The following MCC variants were observed in gnomAD, a reference collection of about 807,000 sequenced individuals.
The protein encoded by MCC is colorectal mutant cancer protein.
Under a neutral mutation model 116.2 loss-of-function variants are expected in MCC, and 90 were observed. That is an observed-to-expected ratio of 0.77 (90% CI 0.65 to 0.92). MCC has a LOEUF of 0.92. Among genes scored for constraint, MCC ranks in the 40% least tolerant of loss-of-function variants. The pLI is 0.00. For synonymous variants in MCC, 578 were observed against 510.5 expected (o/e 1.13, Z -1.78); for missense variants, 1,516 against 1,312.2 (o/e 1.16, Z -2.40).
intron 3 of MCC, among the ~76,000 whole-genome samples, chr5:113,228,086 T>G (rs1195629218): frequency 6.6e-6 from 1 of 152,232 alleles, no homozygotes; most frequent in Non-Finnish European, 1.5e-5. Context: ...AGAATTTGCC[T>G]ACTTAAGTAG....
At chr5:113,150,786 G>A (rs184691020) in intron 4 of MCC, among the ~76,000 whole-genome samples, 9 of 152,250 alleles carry the variant, frequency 5.9e-5, no homozygotes, top group Middle Eastern at 3.4e-3. Context: ...AAAAGGCCAG[G>A]CACAAGGGCT....
rs779215465 is a variant in MCC at position 113,068,092 on chromosome 5, C to T, written c.2017G>A (p.Gly673Arg). The stretch of plus-strand genomic sequence containing the variant: ...TGGAGACACTTACCAGGGGAGGACC[C>T]CACGCCCGCCGCTCGGAACTGCCCC... The part of the protein sequence containing the change: ...ILGQFRAAGV[G>R]SSPGDQSGDE... Residue 673 changes from glycine (G) to arginine (R), a missense_variant, in exon 13 of 19, where the codon GGG becomes AGG. Transcript: ENST00000408903. 9.9e-6 allele frequency: 16 copies of T among 1,613,956 alleles called. No individual in the cohort carries two copies. The highest frequency in any genetic ancestry group is 1.4e-5 in the Non-Finnish European group (16 of 1,179,980).
At chr5:113,105,605 G>C (rs1756683144) in intron 6 of MCC, among the ~76,000 whole-genome samples, 1 of 152,036 alleles carries the variant, frequency 6.6e-6, no homozygotes, top group Non-Finnish European at 1.5e-5. Context: ...CTATGCCTTT[G>C]TCTGACATAC....
At chr5:113,365,148 C>A (rs1768655586) in intron 2 of MCC, among the ~76,000 whole-genome samples, 1 of 152,170 alleles carries the variant, frequency 6.6e-6, no homozygotes, top group South Asian at 2.1e-4. Context: ...AACTTTTACA[C>A]CCTCCTTCCT....
chr5:113,412,540 A>G (rs1770020285), intron 1 of MCC, among the ~76,000 whole-genome samples: 1 of 152,124 alleles, frequency 6.6e-6, no homozygotes, highest in Non-Finnish European at 1.5e-5. Context: ...GCAATTGTGA[A>G]TGGGAGTTCA....
intron 17 of MCC, among the ~76,000 whole-genome samples, chr5:113,030,242 G>A (rs894253581): frequency 2.6e-5 from 4 of 152,152 alleles, no homozygotes; most frequent in Non-Finnish European, 4.4e-5. Flanking sequence ...CAGGAGCACA[G>A]GTTCCTAAAG....
chr5:113,209,496 T>C (rs1358098314), intron 3 of MCC, among the ~76,000 whole-genome samples: 5 of 152,230 alleles, frequency 3.3e-5, no homozygotes, highest in African/African-American at 1.2e-4. Flanking sequence ...CACTTTATTT[T>C]TGACCTATCC....
chr5:113,448,304 T>C (rs542760471), intron 1 of MCC: 12 of 152,188 alleles, frequency 7.9e-5, no homozygotes, highest in Admixed American at 4.6e-4. Flanking sequence ...AGGAAGAACA[T>C]ATGTGGAAGA....
chr5:113,099,955 T>C (rs1432188541), intron 8 of MCC, among the ~76,000 whole-genome samples: 1 of 152,172 alleles, frequency 6.6e-6, no homozygotes. Context: ...GTGATAATCA[T>C]CGGGGAGTGT....
At chr5:113,366,375 G>A (rs540661923) in intron 2 of MCC, among the ~76,000 whole-genome samples, 14 of 151,750 alleles carry the variant, frequency 9.2e-5, no homozygotes, top group African/African-American at 3.4e-4. Flanking sequence ...TATATACTAA[G>A]TAATTGTAGA....
intron 3 of MCC, among the ~76,000 whole-genome samples, chr5:113,256,152 C>T (rs923625597): frequency 6.6e-6 from 1 of 151,878 alleles, no homozygotes; most frequent in Non-Finnish European, 1.5e-5. Flanking sequence ...GAAACCAGCA[C>T]ATAGTTTAGC....
intron 1 of MCC, among the ~76,000 whole-genome samples, chr5:113,468,614 G>A (rs1315508190): frequency 6.6e-6 from 1 of 152,170 alleles, no homozygotes; most frequent in Non-Finnish European, 1.5e-5. Flanking sequence ...TTGCATCGAT[G>A]TTCATCAAGG....
At chr5:113,082,688 C>T (rs10058407) in intron 11 of MCC, among the ~76,000 whole-genome samples, 172 bp downstream of exon 11, 51,768 of 152,018 alleles carry the variant, frequency 0.34, 8,819 homozygotes, top group Middle Eastern at 0.39. Flanking sequence ...GCTCAGACTG[C>T]TGTGAGCACT....
chr5:113,239,562 G>A (rs1052090776), intron 3 of MCC, among the ~76,000 whole-genome samples: 1 of 152,178 alleles, frequency 6.6e-6, no homozygotes, highest in African/African-American at 2.4e-5. Flanking sequence ...CATGATGCCA[G>A]AGAAGAGGAT....
At chr5:113,238,938 T>C (rs545929596) in intron 3 of MCC, among the ~76,000 whole-genome samples, 1 of 152,334 alleles carries the variant, frequency 6.6e-6, no homozygotes, top group Admixed American at 6.5e-5. Flanking sequence ...ATTCCTGGGT[T>C]TAAACAGAGG....
At chr5:113,268,893 A>C (rs1182093709) in intron 3 of MCC, among the ~76,000 whole-genome samples, 1 of 152,144 alleles carries the variant, frequency 6.6e-6, no homozygotes, top group South Asian at 2.1e-4. Flanking sequence ...TGGTATCCTG[A>C]CTGGTTAGTG....
intron 14 of MCC, among the ~76,000 whole-genome samples, chr5:113,058,815 A>G (rs1251105909): frequency 6.6e-6 from 1 of 152,236 alleles, no homozygotes; most frequent in Non-Finnish European, 1.5e-5. Flanking sequence ...TGGTGCTGCC[A>G]CACAGCACCT....
At chr5:113,158,706 A>C (rs1581175036) in intron 3 of MCC, among the ~76,000 whole-genome samples, 1 of 152,232 alleles carries the variant, frequency 6.6e-6, no homozygotes, top group East Asian at 1.9e-4. Context: ...GAGGGGTAGA[A>C]AATCAGCCGA....
At chr5:113,277,416 ATTT>A (rs1478162646) in intron 3 of MCC, among the ~76,000 whole-genome samples, 1 of 151,720 alleles carries the variant, frequency 6.6e-6, no homozygotes, top group South Asian at 2.1e-4. Context: ...AAAATACAAA[ATTT>A]TTTGTTTACT....
Sources: allele counts gnomAD v4.1 joint callset (sites outside exome capture counted in the v4.1 genomes callset), GRCh38; gene constraint gnomAD v4.1.1; transcripts MANE v1.5; gene names NCBI Gene and HGNC (gene_info 2026-07-23, HGNC 2026-07-21).